The following TMEM178B variants were observed in gnomAD, a reference collection of about 807,000 sequenced individuals.
The protein encoded by TMEM178B is transmembrane protein 178B.
In TMEM178B, 5 loss-of-function variants were observed where a neutral mutation model predicts 31.0. The observed-to-expected ratio is 0.16, with a 90% CI of 0.08 to 0.34. The LOEUF (loss-of-function observed/expected upper bound fraction) is 0.34. TMEM178B is among the 10% of genes least tolerant of loss of function. TMEM178B has a pLI of 1.00. For missense variants in TMEM178B, 275 were observed against 400.3 expected (o/e 0.69, Z 2.67); for synonymous variants, 164 against 164.0 (o/e 1.00, Z 0.00).
intron 2 of TMEM178B, among the ~76,000 whole-genome samples, chr7:141,348,244 A>G (rs539251248): frequency 6.6e-5 from 10 of 152,228 alleles, no homozygotes; most frequent in Non-Finnish European, 1.0e-4. Flanking sequence ...AGGTCACAAA[A>G]TCAATGAAGC....
intron 2 of TMEM178B, among the ~76,000 whole-genome samples, chr7:141,325,401 C>T (rs1287142049): frequency 2.0e-5 from 3 of 152,220 alleles, no homozygotes; most frequent in Non-Finnish European, 2.9e-5. Flanking sequence ...GTGCTTTTGT[C>T]TGTCACCCCA....
chr7:141,357,412 G>C (rs890028722), intron 2 of TMEM178B, among the ~76,000 whole-genome samples: 3 of 152,154 alleles, frequency 2.0e-5, no homozygotes, highest in African/African-American at 7.2e-5. Context: ...AAATAAGTTT[G>C]TTTTATGTAC....
intron 1 of TMEM178B, among the ~76,000 whole-genome samples, chr7:141,180,595 C>T (rs1167941156): frequency 6.6e-6 from 1 of 152,064 alleles, no homozygotes; most frequent in Non-Finnish European, 1.5e-5. Context: ...CCTTTAGTCA[C>T]TTCATGGGAA....
chr7:141,202,577 C>G (rs1238298448), intron 1 of TMEM178B, among the ~76,000 whole-genome samples: 1 of 152,188 alleles, frequency 6.6e-6, no homozygotes, highest in African/African-American at 2.4e-5. Context: ...AAATGGAATG[C>G]ATTTGAAAGC....
At chr7:141,115,843 A>G (rs893074893) in intron 1 of TMEM178B, among the ~76,000 whole-genome samples, 155 of 152,340 alleles carry the variant, frequency 1.0e-3, no homozygotes, top group African/African-American at 3.3e-3. Context: ...GATTATTTTT[A>G]TTATAATGTT....
At chr7:141,247,510 C>G (rs928309967) in intron 2 of TMEM178B, among the ~76,000 whole-genome samples, 1 of 152,142 alleles carries the variant, frequency 6.6e-6, no homozygotes, top group African/African-American at 2.4e-5. Flanking sequence ...TCAGCTGCCT[C>G]CAAGCGACAT....
intron 1 of TMEM178B, among the ~76,000 whole-genome samples, chr7:141,111,538 G>T (rs1423744330): frequency 2.6e-5 from 4 of 152,216 alleles, no homozygotes; most frequent in Non-Finnish European, 4.4e-5. Flanking sequence ...ATACAGGATT[G>T]CTTCAAAAAT....
At chr7:141,120,449 A>G (rs1326284081) in intron 1 of TMEM178B, among the ~76,000 whole-genome samples, 1 of 152,218 alleles carries the variant, frequency 6.6e-6, no homozygotes, top group Admixed American at 6.5e-5. Context: ...CTTTTATAAA[A>G]TGTTAATTCA....
chr7:141,408,297 GT>G (rs972816616), intron 2 of TMEM178B, among the ~76,000 whole-genome samples: 5 of 152,214 alleles, frequency 3.3e-5, no homozygotes, highest in Non-Finnish European at 7.3e-5. Flanking sequence ...AGGCTTTGGG[GT>G]GGCTGGTTTC....
chr7:141,237,074 C>T lies in TMEM178B; in HGVS notation c.496+24370C>T, dbSNP rs547272228. Among the ~76,000 whole-genome samples, 83 of 152,300 alleles carry T rather than the reference C, an allele frequency of 5.4e-4. 1 individual carries two copies. The highest frequency in any genetic ancestry group is 1.9e-3 in the African/African-American group (80 of 41,576). On this transcript the variant is annotated intron_variant, in intron 2 of 3. Transcript: ENST00000565468. The stretch of plus-strand genomic sequence containing the variant: ...AAGTAATCTGAGATGCAAATTAATA[C>T]ACTAATAGCATATCTTTTGTTTTGT...
Position 141,439,518 on chromosome 7 carries a change from A to G in TMEM178B, c.634+1773A>G, listed in dbSNP as rs549486709. ...ACTAGCTTGATGATTTCCACACTATATTTTAGCAATGGAAGCTTTTTTGGT... is the reference window on the plus strand; with the variant it reads ...ACTAGCTTGATGATTTCCACACTATGTTTTAGCAATGGAAGCTTTTTTGGT... On this transcript the variant is annotated intron_variant, in intron 3 of 3. Transcript: ENST00000565468. 9.2e-4 allele frequency among the ~76,000 whole-genome samples: 140 copies of G among 152,232 alleles called. 4 individuals carry two copies. The South Asian group carries it at 0.028, about 31-fold the overall frequency.
intron 1 of TMEM178B, among the ~76,000 whole-genome samples, chr7:141,208,753 A>G (rs1421525671): frequency 6.6e-6 from 1 of 152,166 alleles, no homozygotes; most frequent in Non-Finnish European, 1.5e-5. Flanking sequence ...AGGAGGTTAA[A>G]GGAGCTGGCT....
intron 2 of TMEM178B, among the ~76,000 whole-genome samples, chr7:141,296,329 A>G (rs573940406): frequency 1.3e-3 from 204 of 152,276 alleles, no homozygotes; most frequent in African/African-American, 3.2e-3. Context: ...CAGCCTCCCA[A>G]AGTGCTGGGA....
At chr7:141,331,281 G>A (rs1278416443) in intron 2 of TMEM178B, among the ~76,000 whole-genome samples, 1 of 152,212 alleles carries the variant, frequency 6.6e-6, no homozygotes, top group African/African-American at 2.4e-5. Flanking sequence ...GAAAAGAAAA[G>A]TATTGGACTG....
chr7:141,076,646 G>T (rs1794604826), intron 1 of TMEM178B, among the ~76,000 whole-genome samples: 2 of 152,192 alleles, frequency 1.3e-5, no homozygotes, highest in Admixed American at 1.3e-4. Context: ...GGTGAAGCTG[G>T]AAACAGAGAC....
intron 1 of TMEM178B, among the ~76,000 whole-genome samples, chr7:141,151,846 G>T (rs936366271): frequency 6.6e-6 from 1 of 152,182 alleles, no homozygotes; most frequent in Non-Finnish European, 1.5e-5. Context: ...TACAGGGGGG[G>T]TGCCCCTCAC....
intron 1 of TMEM178B, among the ~76,000 whole-genome samples, chr7:141,130,295 A>G (rs909243303): frequency 6.6e-6 from 1 of 152,202 alleles, no homozygotes; most frequent in Admixed American, 6.5e-5. Flanking sequence ...AAGTCATCAT[A>G]TACAGTTAAA....
At chr7:141,182,322 G>A (rs1238906383) in intron 1 of TMEM178B, among the ~76,000 whole-genome samples, 2 of 152,162 alleles carry the variant, frequency 1.3e-5, no homozygotes, top group Non-Finnish European at 2.9e-5. Flanking sequence ...AGAGGGTGGG[G>A]CCAACAGCCC....
At position 141,293,570 on chromosome 7, in the gene TMEM178B, A is replaced by C. The variant is rs112287132; in HGVS notation, c.496+80866A>C. Among the ~76,000 whole-genome samples, 1,388 of 152,278 alleles carry C rather than the reference A, an allele frequency of 9.1e-3. 16 individuals are homozygous for C. Among genetic ancestry groups the C allele is most frequent in the African/African-American group, 0.032 (1,310 of 41,544 alleles). On this transcript the variant is annotated intron_variant, in intron 2 of 3. Transcript: ENST00000565468. ...GTGGGATGCAGGCAGAGGAAATGGA[A>C]AAAAGAAAAGGAAGTTGAGACCATG...
Sources: gnomAD v4.1 joint callset for allele counts (sites outside exome capture counted in the v4.1 genomes callset) on GRCh38, gnomAD v4.1.1 for gene constraint, MANE v1.5 for transcripts, NCBI Gene and HGNC (gene_info 2026-07-23, HGNC 2026-07-21) for gene names.